Variants in CWC27 observed in about 807,000 individuals in gnomAD.
CWC27 encodes spliceosome-associated protein CWC27 homolog.
A neutral mutation model predicts 63.6 loss-of-function variants in CWC27; 47 were observed. The observed-to-expected ratio is 0.74, with a 90% CI of 0.58 to 0.94. The LOEUF is 0.94. CWC27 is among the 40% of genes least tolerant of loss of function. The pLI is 0.00. For missense variants in CWC27, 495 were observed against 554.3 expected (o/e 0.89, Z 1.07); for synonymous variants, 175 against 179.8 (o/e 0.97, Z 0.22).
chr5:64,876,811 TA>T (rs1284454995), intron 10 of CWC27, among the ~76,000 whole-genome samples: 1 of 151,850 alleles, frequency 6.6e-6, no homozygotes, highest in African/African-American at 2.4e-5. Flanking sequence ...TGGGAAAAAA[TA>T]AAAACTAGAC....
chr5:64,860,818 CTG>C (rs1746388483), intron 10 of CWC27, among the ~76,000 whole-genome samples: 1 of 152,242 alleles, frequency 6.6e-6, no homozygotes, highest in South Asian at 2.1e-4. Context: ...AGTTGATAAA[CTG>C]TGAGTGCTCT....
chr5:64,870,028 C>A (rs1746628871), intron 10 of CWC27, among the ~76,000 whole-genome samples: 1 of 152,034 alleles, frequency 6.6e-6, no homozygotes. Context: ...TCCCCAAAAA[C>A]ACCCTTGTAG....
At chr5:64,779,013 G>A (rs139099733) in intron 2 of CWC27, among the ~76,000 whole-genome samples, 1 of 152,262 alleles carries the variant, frequency 6.6e-6, no homozygotes, top group African/African-American at 2.4e-5. Flanking sequence ...TTATGAGGGT[G>A]TCTCCAAGAC....
intron 11 of CWC27, among the ~76,000 whole-genome samples, chr5:64,965,880 C>T (rs887859247): frequency 6.6e-6 from 1 of 152,104 alleles, no homozygotes; most frequent in Admixed American, 6.5e-5. Flanking sequence ...TATGACTATA[C>T]ATTAAGAAGA....
intron 11 of CWC27, among the ~76,000 whole-genome samples, chr5:64,904,939 G>A (rs1200250131): frequency 2.0e-5 from 3 of 152,124 alleles, no homozygotes; most frequent in African/African-American, 7.2e-5. Flanking sequence ...AGTGGCTCAT[G>A]CCTGTAATCC....
At chr5:64,890,159 G>C (rs924677649) in intron 11 of CWC27, among the ~76,000 whole-genome samples, 1 of 152,110 alleles carries the variant, frequency 6.6e-6, no homozygotes, top group African/African-American at 2.4e-5. Flanking sequence ...TCTATGACTG[G>C]TGCCAGAAAT....
At chr5:64,904,056 G>C (rs1747568661) in intron 11 of CWC27, among the ~76,000 whole-genome samples, 1 of 152,136 alleles carries the variant, frequency 6.6e-6, no homozygotes, top group African/African-American at 2.4e-5. Flanking sequence ...CATTCACTTT[G>C]CTTTAAGCCT....
intron 11 of CWC27, among the ~76,000 whole-genome samples, chr5:64,935,822 G>A (rs537581423): frequency 3.9e-5 from 6 of 152,220 alleles, no homozygotes; most frequent in African/African-American, 1.2e-4. Context: ...CACATCCCTT[G>A]TGAGTTGTAT....
At chr5:64,936,891 G>T (rs1233018790) in intron 11 of CWC27, among the ~76,000 whole-genome samples, 1 of 152,120 alleles carries the variant, frequency 6.6e-6, no homozygotes, top group African/African-American at 2.4e-5. Flanking sequence ...TTGCATAGAG[G>T]TATTTATATT....
intron 10 of CWC27, among the ~76,000 whole-genome samples, chr5:64,818,888 T>C (rs2112242176): frequency 6.6e-6 from 1 of 152,344 alleles, no homozygotes; most frequent in East Asian, 1.9e-4. Flanking sequence ...TTTGTTCCTT[T>C]TATTGTTTTA....
chr5:64,852,108 T>C (rs1034874260), intron 10 of CWC27, among the ~76,000 whole-genome samples: 1 of 152,210 alleles, frequency 6.6e-6, no homozygotes, highest in African/African-American at 2.4e-5. Context: ...CTTCTACTAG[T>C]ATTAAAACAC....
intron 10 of CWC27, among the ~76,000 whole-genome samples, chr5:64,830,727 C>A (rs1459793357): frequency 6.6e-6 from 1 of 152,048 alleles, no homozygotes; most frequent in Non-Finnish European, 1.5e-5. Context: ...AACAAATTTA[C>A]AAGAAAAAAT....
intron 11 of CWC27, among the ~76,000 whole-genome samples, chr5:64,886,841 T>C (rs112165113): frequency 9.8e-4 from 149 of 152,192 alleles, no homozygotes; most frequent in African/African-American, 3.2e-3. Flanking sequence ...ATAAACTTAT[T>C]TGTGACTAGA....
chr5:64,988,350 A>G (rs1381972468), intron 13 of CWC27, among the ~76,000 whole-genome samples: 2 of 152,120 alleles, frequency 1.3e-5, no homozygotes, highest in Non-Finnish European at 2.9e-5. Context: ...TGATTCTCTT[A>G]TGCCAAGTAA....
At chr5:64,953,537 G>A (rs1340764658) in intron 11 of CWC27, among the ~76,000 whole-genome samples, 1 of 151,964 alleles carries the variant, frequency 6.6e-6, no homozygotes, top group Non-Finnish European at 1.5e-5. Flanking sequence ...TCCAAAATAA[G>A]AGGGTGAGAA....
At chr5:64,859,473 A>T (rs531411952) in intron 10 of CWC27, among the ~76,000 whole-genome samples, 84 of 152,238 alleles carry the variant, frequency 5.5e-4, no homozygotes, top group Non-Finnish European at 1.1e-3. Flanking sequence ...CAAAGCAGCA[A>T]AACCTGATTA....
intron 10 of CWC27, among the ~76,000 whole-genome samples, chr5:64,826,383 C>A (rs1049182589): frequency 6.6e-6 from 1 of 152,072 alleles, no homozygotes; most frequent in Non-Finnish European, 1.5e-5. Context: ...AGTTATTTGA[C>A]ATTTATTGAG....
chr5:64,970,780 A>G (rs571123319), intron 11 of CWC27, among the ~76,000 whole-genome samples: 35 of 152,294 alleles, frequency 2.3e-4, no homozygotes, highest in African/African-American at 8.2e-4. Flanking sequence ...TTGACCAGAA[A>G]ATCTCTTGAA....
intron 11 of CWC27, among the ~76,000 whole-genome samples, chr5:64,966,867 ATTT>A (rs1275426764): frequency 3.3e-5 from 5 of 151,562 alleles, no homozygotes; most frequent in African/African-American, 4.8e-5. Flanking sequence ...TTGTGTTGAA[ATTT>A]TTCCATAATA....
Sources: allele counts gnomAD v4.1 joint callset (sites outside exome capture counted in the v4.1 genomes callset), GRCh38; gene constraint gnomAD v4.1.1; transcripts MANE v1.5; gene names NCBI Gene and HGNC (gene_info 2026-07-23, HGNC 2026-07-21).